MINDY2: variants seen among roughly 807,000 people sequenced by gnomAD.
MINDY2 encodes ubiquitin carboxyl-terminal hydrolase MINDY-2.
In MINDY2, 52 loss-of-function variants were observed where a neutral mutation model predicts 68.2. That is an observed-to-expected ratio of 0.76 (90% CI 0.61 to 0.96). MINDY2 has a LOEUF of 0.96. MINDY2 is among the 40% of genes least tolerant of loss of function. MINDY2 has a pLI of 0.00. For synonymous variants in MINDY2, 372 were observed against 303.0 expected, an observed-to-expected ratio of 1.23 and a Z score of -2.36; for missense variants, 881 against 773.4, an observed-to-expected ratio of 1.14 and a Z score of -1.65.
chr15:58,814,745 C>T (rs2030560575), intron 4 of MINDY2, among the ~76,000 whole-genome samples: 1 of 151,040 alleles, frequency 6.6e-6, no homozygotes, highest in Non-Finnish European at 1.5e-5. Context: ...GTGTTCTAAG[C>T]ACAAATCTCT....
At chr15:58,785,594 G>A (rs542700020) in intron 1 of MINDY2, among the ~76,000 whole-genome samples, 1 of 152,120 alleles carries the variant, frequency 6.6e-6, no homozygotes, top group South Asian at 2.1e-4. Context: ...CGGAGTTTCA[G>A]TTTAAAAATA....
chr15:58,828,586 T>A (rs2031543427), intron 5 of MINDY2, among the ~76,000 whole-genome samples: 1 of 148,040 alleles, frequency 6.8e-6, no homozygotes, highest in African/African-American at 2.5e-5. Flanking sequence ...TTTTTTTTTT[T>A]TTTTTTTTTT....
At chr15:58,773,741 C>G (rs1900590122) in intron 1 of MINDY2, among the ~76,000 whole-genome samples, 1 of 151,250 alleles carries the variant, frequency 6.6e-6, no homozygotes. Flanking sequence ...AGCAATTTAA[C>G]AGATCTTTTA....
intron 6 of MINDY2, among the ~76,000 whole-genome samples, chr15:58,834,470 C>CT (rs1390303208): frequency 2.0e-5 from 3 of 152,124 alleles, no homozygotes; most frequent in African/African-American, 4.8e-5. Context: ...GTATGGGAGG[C>CT]TTTTTTAAAA....
chr15:58,803,146 A>G (rs1902776459), intron 3 of MINDY2, among the ~76,000 whole-genome samples: 1 of 152,180 alleles, frequency 6.6e-6, no homozygotes. Flanking sequence ...TAATGTTCAG[A>G]TAATCTAGTC....
rs912154563 is a variant in MINDY2, at chr15:58,787,202, C to G, written c.841-704C>G. 5.8e-4 allele frequency among the ~76,000 whole-genome samples: 81 copies of G among 139,004 alleles called. 2 individuals are homozygous for G. The highest frequency in any genetic ancestry group is 9.2e-4 in the Admixed American group (12 of 12,986). 91.2% of individuals were successfully genotyped at this position (139,004 alleles called of 152,430 possible). ...AGGCCAGAGGTGTCACCATGTTGGC[C>G]AGGCTGGTCTCCAACTCCTGACCTC... On this transcript the variant is annotated intron_variant, in intron 1 of 8. Transcript: ENST00000559228.
At chr15:58,811,537 A>C (rs2030254823) in intron 4 of MINDY2, among the ~76,000 whole-genome samples, 1 of 152,238 alleles carries the variant, frequency 6.6e-6, no homozygotes, top group Non-Finnish European at 1.5e-5. Context: ...CTGAAGAGAT[A>C]AGGAGAGGGA....
At chr15:58,830,659 C>G (rs1319873574) in intron 5 of MINDY2, among the ~76,000 whole-genome samples, 2 of 152,198 alleles carry the variant, frequency 1.3e-5, no homozygotes, top group Non-Finnish European at 2.9e-5. Flanking sequence ...CAGCCTTTGT[C>G]TACTGAATGC....
chr15:58,771,779 C>G lies in MINDY2; in HGVS notation c.384C>G (p.Asp128Glu). 2 of 1,610,386 alleles carry G rather than the reference C, an allele frequency of 1.2e-6. No individual in the cohort carries two copies. The highest frequency in any genetic ancestry group is 1.7e-6 in the Non-Finnish European group (2 of 1,179,048). Residue 128 changes from aspartate (D) to glutamate (E), a missense_variant, in exon 1 of 9, where the codon GAC (aspartate) becomes GAG (glutamate). Coordinates refer to ENST00000559228, the MANE Select transcript of MINDY2 (RefSeq NM_001040450.3). ...GVGHELGTAG[D>E]AGARPDLAGT... ...GTCATGAGTTGGGTACCGCCGGAGACGCGGGAGCCCGCCCGGATCTCGCCG... is the reference window on the plus strand; with the variant it reads ...GTCATGAGTTGGGTACCGCCGGAGAGGCGGGAGCCCGCCCGGATCTCGCCG...
At chr15:58,847,274 T>A (rs1198388832) in intron 6 of MINDY2, 23 bp from the exon 7 acceptor site, 1 of 1,524,834 alleles carries the variant, frequency 6.6e-7, no homozygotes, top group South Asian at 1.3e-5. Flanking sequence ...ACAGTCCTTT[T>A]TCTTTTGTTA....
chr15:58,821,404 T>C (rs1475876131), intron 4 of MINDY2, among the ~76,000 whole-genome samples: 1 of 151,938 alleles, frequency 6.6e-6, no homozygotes, highest in Non-Finnish European at 1.5e-5. Flanking sequence ...TCTGGAATAG[T>C]TTATGTTTTA....
intron 6 of MINDY2, among the ~76,000 whole-genome samples, chr15:58,832,673 A>C (rs1219652024): frequency 1.3e-5 from 2 of 150,488 alleles, no homozygotes; most frequent in African/African-American, 4.9e-5. Flanking sequence ...GATTATAGGT[A>C]TGCGCCACCA....
chr15:58,771,726 T>A lies in MINDY2; in HGVS notation c.331T>A (p.Ser111Thr). 1 of 1,611,810 alleles carries A rather than the reference T, an allele frequency of 6.2e-7. No homozygotes were observed. Among genetic ancestry groups the A allele is most frequent in the Non-Finnish European group, 8.5e-7 (1 of 1,179,594 alleles). ...PLRGQYKVTA[S>T]PETAVAGVGH... ...GAGAGGGCAGTACAAGGTGACCGCCTCCCCGGAGACAGCCGTGGCCGGAGT... is the reference window on the plus strand; with the variant it reads ...GAGAGGGCAGTACAAGGTGACCGCCACCCCGGAGACAGCCGTGGCCGGAGT... Residue 111 changes from serine to threonine, a missense_variant, in exon 1 of 9, where the codon TCC (serine) becomes ACC (threonine). Physicochemically the swap from Ser to Thr is moderately conservative, Grantham distance 58 (BLOSUM62 1). Transcript: ENST00000559228.
At chr15:58,801,716 T>C (rs1185042283) in intron 2 of MINDY2, among the ~76,000 whole-genome samples, 1 of 152,152 alleles carries the variant, frequency 6.6e-6, no homozygotes, top group Non-Finnish European at 1.5e-5. Flanking sequence ...CTCGGCTCAC[T>C]GCAGCCTCCA....
At chr15:58,819,377 G>A (rs1218190467) in intron 4 of MINDY2, among the ~76,000 whole-genome samples, 3 of 152,164 alleles carry the variant, frequency 2.0e-5, no homozygotes, top group African/African-American at 7.2e-5. Flanking sequence ...GAGCCTGGGA[G>A]GTCGAGGCTG....
rs577798436 is a variant in MINDY2, at chr15:58,831,991, C to G, written c.1368+75C>G. ...TGATTTAGAGTTGTCTTTTGATCTG[C>G]TTATAAATAAAAGATTTTAGCGTAA... On this transcript the variant is annotated intron_variant, in intron 6 of 8. Transcript: ENST00000559228. 3 of 1,294,946 alleles carry G rather than the reference C, an allele frequency of 2.3e-6. No individual in the cohort carries two copies. In the South Asian group the frequency reaches 4.8e-5, roughly 21 times the overall value. The allele number at this position is 1,294,946 out of a possible 1,614,324, so 80.2% of individuals were successfully genotyped here. A position where few individuals can be genotyped will look rare whatever the true frequency, so the allele number is the denominator to read the frequency against.
At chr15:58,838,658 C>T (rs112451048) in intron 6 of MINDY2, among the ~76,000 whole-genome samples, 3,026 of 137,868 alleles carry the variant, frequency 0.022, 40 homozygotes, top group Middle Eastern at 0.056. Context: ...ACAATCTCAG[C>T]TCACCACAAC....
chr15:58,842,986 C>T (rs1254888527), intron 6 of MINDY2, among the ~76,000 whole-genome samples: 3 of 152,106 alleles, frequency 2.0e-5, no homozygotes, highest in African/African-American at 4.8e-5. Flanking sequence ...GATAAGACTA[C>T]ATTTGTTAAG....
intron 5 of MINDY2, among the ~76,000 whole-genome samples, chr15:58,823,937 A>G (rs568457033): frequency 1.1e-3 from 164 of 152,360 alleles, no homozygotes; most frequent in Admixed American, 2.7e-3. Context: ...AGAAGCTCCT[A>G]TTTTAAAAAT....
Sources: allele counts gnomAD v4.1 joint callset (sites outside exome capture counted in the v4.1 genomes callset), GRCh38; gene constraint gnomAD v4.1.1; transcripts MANE v1.5; gene names NCBI Gene and HGNC (gene_info 2026-07-23, HGNC 2026-07-21).